Variants in SLC9A9 observed in about 807,000 individuals in gnomAD.
SLC9A9 encodes the protein solute carrier family 9 member A9.
In SLC9A9, 62 loss-of-function variants were observed where a neutral mutation model predicts 77.8. The observed-to-expected ratio is 0.80, with a 90% CI of 0.65 to 0.98. The LOEUF (loss-of-function observed/expected upper bound fraction) is 0.98. Among genes scored for constraint, SLC9A9 ranks in the 50% least tolerant of loss-of-function variants. SLC9A9 has a pLI of 0.00. For missense variants in SLC9A9, 775 were observed against 774.9 expected (o/e 1.00, Z 0.00); for synonymous variants, 320 against 283.5 (o/e 1.13, Z -1.29).
intron 4 of SLC9A9, among the ~76,000 whole-genome samples, chr3:143,699,191 T>A (rs1933726586): frequency 6.6e-6 from 1 of 152,212 alleles, no homozygotes; most frequent in Non-Finnish European, 1.5e-5. Flanking sequence ...GACTCATTCA[T>A]TCAACAAATA....
intron 12 of SLC9A9, among the ~76,000 whole-genome samples, chr3:143,424,135 T>C (rs2034360512): frequency 6.6e-6 from 1 of 152,222 alleles, no homozygotes; most frequent in African/African-American, 2.4e-5. Context: ...ACCTGAATGA[T>C]TCTGGTGGTT....
chr3:143,844,711 CTCTTTCTTTCTTTCTTTCTTTCTT>C (rs3031232), intron 1 of SLC9A9, among the ~76,000 whole-genome samples: 3,250 of 95,806 alleles, frequency 0.034, 79 homozygotes, highest in East Asian at 0.043. Flanking sequence ...AACTTTCTTT[CTCTTTCTTTCTTTCTTTCTTTCTT>C]TCTTTCTTTC....
intron 14 of SLC9A9, among the ~76,000 whole-genome samples, chr3:143,311,171 GC>G (rs1242709131): frequency 2.6e-5 from 4 of 152,164 alleles, no homozygotes; most frequent in Non-Finnish European, 5.9e-5. Flanking sequence ...TTGCTCAATG[GC>G]TCTTGACTTG....
chr3:143,799,628 A>C (rs1466204890), intron 2 of SLC9A9, among the ~76,000 whole-genome samples: 1 of 152,182 alleles, frequency 6.6e-6, no homozygotes, highest in Admixed American at 6.5e-5. Flanking sequence ...GCCATGTCCC[A>C]TCTGTGTGGG....
intron 11 of SLC9A9, 47 bp downstream of exon 11, chr3:143,493,606 A>G: frequency 2.6e-6 from 4 of 1,542,544 alleles, no homozygotes; most frequent in Non-Finnish European, 3.6e-6. Flanking sequence ...TGTTCTGTAA[A>G]ATTGTGAGAA....
At chr3:143,779,913 T>C (rs114066654) in intron 4 of SLC9A9, among the ~76,000 whole-genome samples, 254 of 152,366 alleles carry the variant, frequency 1.7e-3, no homozygotes, top group African/African-American at 6.0e-3. Flanking sequence ...ACTCACATTC[T>C]TGCAAATGAG....
rs74527595 is a variant in SLC9A9, at chr3:143,701,095, T to C, written c.534-7788A>G. ...GAGTCTGCAAGAACCACAATGTTAC[T>C]GGGCTTGGGGTGCCCCTGATGCAGA... On this transcript the variant is annotated intron_variant, in intron 4 of 15. Coordinates refer to ENST00000316549, the MANE Select transcript of SLC9A9 (RefSeq NM_173653.4). Among the ~76,000 whole-genome samples, 78 of 152,360 alleles carry C rather than the reference T, an allele frequency of 5.1e-4. No homozygotes were observed. In the East Asian group the frequency reaches 0.014, roughly 28 times the overall value.
At position 143,724,072 on chromosome 3, in the gene SLC9A9, G is replaced by A. The variant is rs989782806; in HGVS notation, c.534-30765C>T. On this transcript the variant is annotated intron_variant, in intron 4 of 15. Coordinates refer to ENST00000316549, the MANE Select transcript of SLC9A9 (RefSeq NM_173653.4). Reference sequence around the variant, plus strand: ...AGAATTGAAGCCCACTGCAGCGATTGTTTTTCTCATGTTGATATGGTTTGG... The same window carrying A: ...AGAATTGAAGCCCACTGCAGCGATTATTTTTCTCATGTTGATATGGTTTGG... Among the ~76,000 whole-genome samples, 3 of 152,258 alleles carry A rather than the reference G, an allele frequency of 2.0e-5. No homozygotes were observed. The South Asian group carries it at 6.2e-4, about 32-fold the overall frequency.
chr3:143,355,526 G>T (rs1221367033), intron 14 of SLC9A9, among the ~76,000 whole-genome samples: 1 of 152,162 alleles, frequency 6.6e-6, no homozygotes, highest in Non-Finnish European at 1.5e-5. Flanking sequence ...AAGTAGATAG[G>T]CTATAATAGC....
chr3:143,478,231 C>T (rs1315875580), intron 11 of SLC9A9, among the ~76,000 whole-genome samples: 2 of 152,234 alleles, frequency 1.3e-5, no homozygotes, highest in Non-Finnish European at 2.9e-5. Flanking sequence ...CTTGTTAACA[C>T]ACATGCTTTC....
chr3:143,839,074 C>T (rs948519031), intron 1 of SLC9A9, among the ~76,000 whole-genome samples: 5 of 152,154 alleles, frequency 3.3e-5, no homozygotes, highest in Non-Finnish European at 2.9e-5. Context: ...AGAGATGGAA[C>T]AAAAAGTAAA....
chr3:143,693,329 C>A (rs1304447095), intron 4 of SLC9A9, 22 bp from the exon 5 acceptor site: 1 of 1,550,734 alleles, frequency 6.4e-7, no homozygotes, highest in Admixed American at 1.7e-5. Flanking sequence ...AAAAACATGA[C>A]CTTCAAACAT....
At chr3:143,663,837 A>G (rs894838352) in intron 5 of SLC9A9, among the ~76,000 whole-genome samples, 1 of 152,228 alleles carries the variant, frequency 6.6e-6, no homozygotes, top group Admixed American at 6.5e-5. Flanking sequence ...ATGTGAAAAG[A>G]CTAAATCTAC....
intron 4 of SLC9A9, among the ~76,000 whole-genome samples, chr3:143,774,393 G>A (rs985995117): frequency 2.0e-5 from 3 of 152,204 alleles, no homozygotes; most frequent in Non-Finnish European, 4.4e-5. Context: ...ACTGAGTACT[G>A]TTTAGGGACA....
At chr3:143,619,415 G>C (rs1163448445) in intron 6 of SLC9A9, among the ~76,000 whole-genome samples, 1 of 152,206 alleles carries the variant, frequency 6.6e-6, no homozygotes, top group Non-Finnish European at 1.5e-5. Context: ...CATTATGCTT[G>C]TCTGATGAAA....
intron 6 of SLC9A9, among the ~76,000 whole-genome samples, chr3:143,597,324 G>T (rs913230868): frequency 6.6e-6 from 1 of 152,172 alleles, no homozygotes. Context: ...TGACATGGTG[G>T]GCACGCTGGC....
At chr3:143,716,041 T>C (rs145860699) in intron 4 of SLC9A9, among the ~76,000 whole-genome samples, 2 of 152,250 alleles carry the variant, frequency 1.3e-5, no homozygotes, top group Admixed American at 6.5e-5. Flanking sequence ...CTTTGAGCCA[T>C]TTTCAAAAGA....
intron 12 of SLC9A9, among the ~76,000 whole-genome samples, chr3:143,394,659 A>G (rs1257890746): frequency 6.6e-6 from 1 of 152,148 alleles, no homozygotes; most frequent in African/African-American, 2.4e-5. Context: ...AGGAAGTCAA[A>G]TTGTCCCTGT....
intron 8 of SLC9A9, among the ~76,000 whole-genome samples, chr3:143,571,012 A>G (rs181962807): frequency 2.0e-5 from 3 of 152,272 alleles, no homozygotes. Flanking sequence ...TTTTTTTTCA[A>G]ATAGAATTGT....
Sources: allele counts gnomAD v4.1 joint callset (sites outside exome capture counted in the v4.1 genomes callset), GRCh38; gene constraint gnomAD v4.1.1; transcripts MANE v1.5; gene names NCBI Gene and HGNC (gene_info 2026-07-23, HGNC 2026-07-21).